The following ULK4 variants were observed in gnomAD, a reference collection of about 807,000 sequenced individuals.
ULK4 encodes the protein unc-51 like kinase 4.
Under a neutral mutation model 160.6 loss-of-function variants are expected in ULK4, and 133 were observed. The ratio of observed to expected loss-of-function variants is 0.83; its 90% CI spans 0.72 to 0.96. ULK4 has a LOEUF of 0.96. ULK4 is among the 40% of genes least tolerant of loss of function. The pLI is 0.00. For missense variants in ULK4, 1,580 were observed against 1,499.5 expected (o/e 1.05, Z -0.89); for synonymous variants, 534 against 539.8 (o/e 0.99, Z 0.15).
At position 41,653,457 on chromosome 3, in the gene ULK4, T is replaced by C. The variant is rs189095162; in HGVS notation, c.3071+10150A>G. On this transcript the variant is annotated intron_variant, in intron 30 of 36. Coordinates refer to ENST00000301831, the MANE Select transcript of ULK4 (RefSeq NM_017886.4). ...TCTTGGATCTTTTAGTAACGAACTA[T>C]TTTTTCAATGGCAATTGTCTCCTGA... Among the ~76,000 whole-genome samples the C allele has an allele frequency of 2.0e-5, 3 of 152,242 alleles. No homozygotes were observed. The East Asian group carries it at 5.8e-4, about 29-fold the overall frequency.
intron 31 of ULK4, among the ~76,000 whole-genome samples, chr3:41,589,253 C>A (rs2031071743): frequency 6.6e-6 from 1 of 151,922 alleles, no homozygotes; most frequent in Non-Finnish European, 1.5e-5. Flanking sequence ...GGAACCTATA[C>A]AGAGTCCAGC....
At chr3:41,626,660 G>T (rs2033524945) in intron 30 of ULK4, among the ~76,000 whole-genome samples, 1 of 151,948 alleles carries the variant, frequency 6.6e-6, no homozygotes, top group South Asian at 2.1e-4. Flanking sequence ...GAGTAGCTAG[G>T]ACTACAGGCG....
chr3:41,383,676 T>C (rs2081729240), intron 35 of ULK4, among the ~76,000 whole-genome samples: 3 of 152,224 alleles, frequency 2.0e-5, no homozygotes, highest in African/African-American at 7.2e-5. Flanking sequence ...AATAAATAAA[T>C]GATCCCTCAC....
intron 19 of ULK4, among the ~76,000 whole-genome samples, chr3:41,802,453 T>C (rs987793160): frequency 7.9e-5 from 12 of 152,226 alleles, no homozygotes; most frequent in African/African-American, 2.6e-4. Context: ...TGTGCCACCA[T>C]GCCCAGCCAA....
Position 41,551,806 on chromosome 3 carries a change from A to G in ULK4, c.3226+14219T>C, listed in dbSNP as rs575583369. ...ATTACCAAATCCAGATAAGAACACAACTACAAAAAAACCCTACAGGCCAAG... is the reference window on the plus strand; with the variant it reads ...ATTACCAAATCCAGATAAGAACACAGCTACAAAAAAACCCTACAGGCCAAG... On this transcript the variant is annotated intron_variant, in intron 32 of 36. Transcript: ENST00000301831. Among the ~76,000 whole-genome samples, 9 of 152,070 alleles carry G rather than the reference A, an allele frequency of 5.9e-5. No homozygotes were observed. In the South Asian group the frequency reaches 1.0e-3, roughly 17 times the overall value.
intron 17 of ULK4, among the ~76,000 whole-genome samples, chr3:41,877,825 T>C (rs1273073397): frequency 6.6e-6 from 1 of 151,450 alleles, no homozygotes; most frequent in Non-Finnish European, 1.5e-5. Flanking sequence ...CTACTAAAAA[T>C]ACAAAATTAG....
chr3:41,677,145 G>A (rs1267311073), intron 29 of ULK4, among the ~76,000 whole-genome samples: 1 of 151,870 alleles, frequency 6.6e-6, no homozygotes, highest in Non-Finnish European at 1.5e-5. Flanking sequence ...TTGGTCTCCT[G>A]TGATCCACCC....
intron 17 of ULK4, among the ~76,000 whole-genome samples, chr3:41,846,353 GGCAGTTGAAAAT>G (rs534507373): frequency 2.2e-4 from 33 of 152,118 alleles, no homozygotes; most frequent in Non-Finnish European, 3.8e-4. Context: ...TAGGTACAAT[GGCAGTTGAAAAT>G]GCCAATACTA....
rs549567619 is a variant in ULK4, at chr3:41,948,025, T to A, written c.138+6597A>T. 2.6e-5 allele frequency among the ~76,000 whole-genome samples: 4 copies of A among 152,280 alleles called. No individual in the cohort carries two copies. The South Asian group carries it at 8.3e-4, about 32-fold the overall frequency. On this transcript the variant is annotated intron_variant, in intron 2 of 36. Coordinates refer to ENST00000301831, the MANE Select transcript of ULK4 (RefSeq NM_017886.4). ...CACATGCTGAACCTGCCCTCATCCT[T>A]CTTTCCCACACGTGACCGACCCCAC...
At chr3:41,898,187 G>T (rs949927144) in intron 14 of ULK4, among the ~76,000 whole-genome samples, 1 of 152,166 alleles carries the variant, frequency 6.6e-6, no homozygotes, top group African/African-American at 2.4e-5. Flanking sequence ...AACTTGCCCA[G>T]ATCTACAGGA....
At chr3:41,543,714 C>T (rs1384907431) in intron 32 of ULK4, among the ~76,000 whole-genome samples, 1 of 151,932 alleles carries the variant, frequency 6.6e-6, no homozygotes, top group African/African-American at 2.4e-5. Context: ...TCATAGTATG[C>T]CCTTATAATC....
chr3:41,254,010 C>A (rs1249208206), intron 35 of ULK4, among the ~76,000 whole-genome samples: 1 of 152,100 alleles, frequency 6.6e-6, no homozygotes, highest in Admixed American at 6.5e-5. Flanking sequence ...AAAACTGATA[C>A]AACTGAAAAG....
At chr3:41,287,590 TGGAGGATACATTCTA>T (rs1020231555) in intron 35 of ULK4, among the ~76,000 whole-genome samples, 1 of 152,206 alleles carries the variant, frequency 6.6e-6, no homozygotes, top group Non-Finnish European at 1.5e-5. Context: ...TTATGACTGA[TGGAGGATACATTCTA>T]GTCTCCTTTC....
intron 21 of ULK4, among the ~76,000 whole-genome samples, chr3:41,769,121 T>C (rs1210722544): frequency 6.6e-6 from 1 of 152,224 alleles, no homozygotes; most frequent in Non-Finnish European, 1.5e-5. Flanking sequence ...CATAGCTTTA[T>C]TTGTAACACA....
chr3:41,636,580 T>C (rs979915064), intron 30 of ULK4, among the ~76,000 whole-genome samples: 17 of 151,586 alleles, frequency 1.1e-4, no homozygotes, highest in African/African-American at 3.9e-4. Flanking sequence ...AGAAAATAGC[T>C]GTCTTTACTA....
At chr3:41,881,808 A>C (rs17217536) in intron 17 of ULK4, among the ~76,000 whole-genome samples, 18,880 of 152,212 alleles carry the variant, frequency 0.12, 1,359 homozygotes, top group Middle Eastern at 0.27. Flanking sequence ...AACCTCGGGA[A>C]TTAACATCCA....
At chr3:41,589,494 C>T (rs1041953127) in intron 31 of ULK4, among the ~76,000 whole-genome samples, 3 of 147,790 alleles carry the variant, frequency 2.0e-5, no homozygotes, top group African/African-American at 7.5e-5. Context: ...AGAAACAATT[C>T]CCAGAGCTCA....
chr3:41,907,765 A>G (rs926122232), intron 12 of ULK4, 80 bp downstream of exon 12: 2 of 901,962 alleles, frequency 2.2e-6, no homozygotes, highest in Admixed American at 3.2e-5. Context: ...AATTATTAAC[A>G]TAATTCATTT....
At chr3:41,789,933 T>C in intron 20 of ULK4, 90 bp from the exon 21 acceptor site, 1 of 1,199,252 alleles carries the variant, frequency 8.3e-7, no homozygotes, top group African/African-American at 1.6e-5. Context: ...TGTCAAGGAG[T>C]AGAAGGTGCT....
Sources: gnomAD v4.1 joint callset for allele counts (sites outside exome capture counted in the v4.1 genomes callset) on GRCh38, gnomAD v4.1.1 for gene constraint, MANE v1.5 for transcripts, NCBI Gene and HGNC (gene_info 2026-07-23, HGNC 2026-07-21) for gene names.